Variants in ARHGEF37 observed in about 807,000 individuals in gnomAD.
ARHGEF37 encodes Rho guanine nucleotide exchange factor 37, also known as Rho guanine nucleotide exchange factor (GEF) 37.
A neutral mutation model predicts 71.1 loss-of-function variants in ARHGEF37; 55 were observed. The ratio of observed to expected loss-of-function variants is 0.77; its 90% CI spans 0.62 to 0.97. The LOEUF (loss-of-function observed/expected upper bound fraction) is 0.97. Among genes scored for constraint, ARHGEF37 ranks in the 50% least tolerant of loss-of-function variants. ARHGEF37 has a pLI of 0.00. For missense variants in ARHGEF37, 765 were observed against 836.8 expected, an observed-to-expected ratio of 0.91 and a Z score of 1.06; for synonymous variants, 327 against 350.6, an observed-to-expected ratio of 0.93 and a Z score of 0.75.
At chr5:149,603,569 A>G (rs1170034070) in intron 3 of ARHGEF37, among the ~76,000 whole-genome samples, 2 of 152,232 alleles carry the variant, frequency 1.3e-5, no homozygotes, top group African/African-American at 4.8e-5. Context: ...ATAGTTCTTT[A>G]GTAAAATAGC....
chr5:149,589,692 G>T (rs943729024), intron 1 of ARHGEF37, among the ~76,000 whole-genome samples: 5 of 152,082 alleles, frequency 3.3e-5, no homozygotes, highest in Non-Finnish European at 7.4e-5. Flanking sequence ...TAGAGACAGG[G>T]TTTCACCATG....
At chr5:149,580,302 G>GC (rs139035564), upstream of ARHGEF37, among the ~76,000 whole-genome samples, 1,455 of 151,182 alleles carry the variant, frequency 9.6e-3, 6 homozygotes, top group African/African-American at 0.023. Flanking sequence ...CTCGTGATCT[G>GC]CCCCCCCCTC....
chr5:149,561,071 G>A (rs928527384), intron 1 of ARHGEF37, among the ~76,000 whole-genome samples: 1 of 152,016 alleles, frequency 6.6e-6, no homozygotes, highest in African/African-American at 2.4e-5. Flanking sequence ...TCAGGAGTTC[G>A]AGACCAGACT....
At chr5:149,602,179 C>T (rs1368304167) in intron 3 of ARHGEF37, among the ~76,000 whole-genome samples, 2 of 151,904 alleles carry the variant, frequency 1.3e-5, no homozygotes, top group African/African-American at 2.4e-5. Context: ...GCCTCAGCCT[C>T]CCGAGTAGCT....
chr5:149,622,630 T>C (rs1489191745), intron 9 of ARHGEF37, among the ~76,000 whole-genome samples: 1 of 152,134 alleles, frequency 6.6e-6, no homozygotes, highest in Admixed American at 6.5e-5. Flanking sequence ...ACACGGCTAA[T>C]AGCAAGCATT....
rs200394211 is a variant in ARHGEF37 at position 149,624,020 on chromosome 5, C to G, written c.1344C>G (p.His448Gln). Residue 448 changes from histidine (H) to glutamine (Q), a missense_variant, in exon 10 of 13, where the codon CAC (histidine) becomes CAG (glutamine). This residue lies in a region of ARHGEF37 where 390 missense variants were observed against 407.4 expected (regional missense o/e 0.96). Coordinates refer to ENST00000333677, the MANE Select transcript of ARHGEF37 (RefSeq NM_001001669.3). ...RAEGSMAQLP[H>Q]HHVPEPAFRK... is the part of the protein sequence containing the mutation. The stretch of plus-strand genomic sequence containing the variant: ...TGTCTGTCCCCACTTAGCTGCCCCA[C>G]CACCACGTCCCAGAGCCTGCCTTCA... The G allele has an allele frequency of 1.1e-4, 183 of 1,598,236 alleles. No homozygotes were observed. In the African/African-American group the frequency reaches 2.2e-3, roughly 20 times the overall value.
intron 4 of ARHGEF37, among the ~76,000 whole-genome samples, chr5:149,613,873 C>T (rs749673644): frequency 6.6e-6 from 1 of 151,664 alleles, no homozygotes; most frequent in Admixed American, 6.6e-5. Context: ...AGGGGATCCT[C>T]CTACCTCAGC....
intron 1 of ARHGEF37, among the ~76,000 whole-genome samples, chr5:149,588,599 C>T (rs1763308586): frequency 6.6e-6 from 1 of 152,126 alleles, no homozygotes; most frequent in Non-Finnish European, 1.5e-5. Flanking sequence ...TGCCCGGCCC[C>T]TTTATTCTTC....
rs1752614893 is a variant in ARHGEF37 at position 149,624,097 on chromosome 5, T to C, written c.1421T>C (p.Phe474Ser). Residue 474 changes from phenylalanine (F) to serine (S), a missense_variant, in exon 10 of 13, where the codon TTT becomes TCT. Transcript: ENST00000333677. ...LGRTSNQLRSFQETFEKVQPP... is the reference protein window; with the variant it reads ...LGRTSNQLRSSQETFEKVQPP... ...CGGACGAGTAACCAGCTTCGCTCCT[T>C]TCAAGAGACCTTTGAGAAAGTGCAG... 1 of 1,611,688 alleles carries C rather than the reference T, an allele frequency of 6.2e-7. No individual in the cohort carries two copies. The highest frequency in any genetic ancestry group is 1.1e-5 in the South Asian group (1 of 90,990).
intron 2 of ARHGEF37, among the ~76,000 whole-genome samples, chr5:149,600,748 G>C (rs928128010): frequency 2.0e-5 from 3 of 150,938 alleles, no homozygotes; most frequent in Non-Finnish European, 4.4e-5. Flanking sequence ...TCAAGCAATT[G>C]TCTACCTCAG....
At chr5:149,574,753 A>G (rs1339276534) in intron 1 of ARHGEF37, among the ~76,000 whole-genome samples, 2 of 152,212 alleles carry the variant, frequency 1.3e-5, no homozygotes, top group Non-Finnish European at 2.9e-5. Flanking sequence ...TATCCAAGAC[A>G]GAAATCCCAG....
intron 1 of ARHGEF37, among the ~76,000 whole-genome samples, chr5:149,564,457 A>G (rs1377587705): frequency 6.6e-6 from 1 of 152,124 alleles, no homozygotes; most frequent in African/African-American, 2.4e-5. Flanking sequence ...TCTCCCGTTT[A>G]TGCATCTCAG....
chr5:149,561,343 A>G (rs1762827943), intron 1 of ARHGEF37, among the ~76,000 whole-genome samples: 3 of 142,904 alleles, frequency 2.1e-5, no homozygotes, highest in African/African-American at 2.6e-5. Flanking sequence ...GGGGTGGGGG[A>G]GGGGCATTAC....
chr5:149,597,714 A>G lies in ARHGEF37; in HGVS notation c.-11-45A>G, dbSNP rs542728343. The stretch of plus-strand genomic sequence containing the variant: ...ATTGAATTAGAGACAGCATGTCCCA[A>G]TAGTTCTTCCTGGAAGTGAGTGGGG... On this transcript the variant is annotated intron_variant, in intron 1 of 12. Transcript: ENST00000333677. 7.7e-5 allele frequency: 114 copies of G among 1,477,392 alleles called. 1 individual carries two copies. In the South Asian group the frequency reaches 8.6e-4, roughly 11 times the overall value. The allele number at this position is 1,477,392 out of a possible 1,614,324, so 91.5% of individuals were successfully genotyped here.
chr5:149,577,563 A>G (rs79232537), upstream of ARHGEF37, among the ~76,000 whole-genome samples: 4,465 of 152,364 alleles, frequency 0.029, 83 homozygotes, highest in Non-Finnish European at 0.047. Context: ...TTAGTGCTAT[A>G]AAGAAGTTCT....
chr5:149,620,381 T>C lies in ARHGEF37; in HGVS notation c.922T>C (p.Tyr308His), dbSNP rs1752504161. 6.2e-7 allele frequency: 1 copy of C among 1,612,308 alleles called. No homozygotes were observed. The highest frequency in any genetic ancestry group is 8.5e-7 in the Non-Finnish European group (1 of 1,179,244). The change falls in exon 8 of 13, where the codon TAC becomes CAC. Residue 308 changes from tyrosine (Y) to histidine (H), a missense_variant. By Grantham distance (83) the Tyr-to-His change is moderately conservative. Around this residue, in one of 5 missense-constraint regions of ARHGEF37, gnomAD observed 167 missense variants for 173.3 expected, o/e 0.96. Transcript: ENST00000333677. ...TTTCCTCTACTTCAGGCCGCACGAA[T>C]ACAATCTGGACATCCCCGAGGGGCC... The part of the protein sequence containing the change: ...QAFLYFRPHE[Y>H]NLDIPEGPAV...
intron 1 of ARHGEF37, among the ~76,000 whole-genome samples, chr5:149,568,630 T>C (rs1257983024): frequency 6.6e-6 from 1 of 151,864 alleles, no homozygotes; most frequent in Non-Finnish European, 1.5e-5. Flanking sequence ...GCCAACATGG[T>C]GAAACCCCCG....
At chr5:149,553,945 A>G (rs536340007) in intron 1 of ARHGEF37, among the ~76,000 whole-genome samples, 6 of 152,306 alleles carry the variant, frequency 3.9e-5, no homozygotes, top group African/African-American at 1.2e-4. Context: ...AGGAAGGGCA[A>G]TCACCTGAGG....
At chr5:149,624,201 C>T in intron 10 of ARHGEF37, 61 bp downstream of exon 10, 2 of 1,546,600 alleles carry the variant, frequency 1.3e-6, no homozygotes, top group East Asian at 2.3e-5. Context: ...TAGGGTGAGG[C>T]TCCATCCATC....
Sources: gnomAD v4.1 joint callset for allele counts (sites outside exome capture counted in the v4.1 genomes callset) on GRCh38, gnomAD v4.1.1 for gene constraint, gnomAD v4.1.1 regional missense constraint, MANE v1.5 for transcripts, NCBI Gene and HGNC (gene_info 2026-07-23, HGNC 2026-07-21) for gene names.